The following IL1RAPL1 variants were observed in gnomAD, a reference collection of about 807,000 sequenced individuals.
The protein encoded by IL1RAPL1 is interleukin 1 receptor accessory protein like 1.
IL1RAPL1 carries 3 observed loss-of-function variants against 48.4 expected under a neutral mutation model. That is an observed-to-expected ratio of 0.06 (90% CI 0.03 to 0.16). The LOEUF (loss-of-function observed/expected upper bound fraction) is 0.16. Among genes scored for constraint, IL1RAPL1 ranks in the 10% least tolerant of loss-of-function variants. IL1RAPL1 has a pLI of 1.00. For synonymous variants in IL1RAPL1, 185 were observed against 187.7 expected (o/e 0.99, Z 0.12); for missense variants, 349 against 530.6 (o/e 0.66, Z 3.36).
chrX:28,891,163 A>G (rs892131599), intron 2 of IL1RAPL1, among the ~76,000 whole-genome samples: 2 of 111,890 alleles, frequency 1.8e-5, no homozygotes, highest in Non-Finnish European at 3.8e-5. Flanking sequence ...CAGAACTCTC[A>G]ATGTAGTCTC....
intron 6 of IL1RAPL1, among the ~76,000 whole-genome samples, chrX:29,738,850 TA>T (rs1235632958): frequency 8.9e-6 from 1 of 112,210 alleles, no homozygotes; most frequent in African/African-American, 3.2e-5. Flanking sequence ...TGTGCTGGGA[TA>T]AAAACAAATT....
rs1353175231 is a variant in IL1RAPL1, at chrX:29,520,415, T to C, written c.703+121107T>C. 3.6e-5 allele frequency among the ~76,000 whole-genome samples: 4 copies of C among 112,485 alleles called. No individual in the cohort carries two copies. In the East Asian group the frequency reaches 1.1e-3, roughly 31 times the overall value. On this transcript the variant is annotated intron_variant, in intron 5 of 10. Coordinates refer to ENST00000378993, the MANE Select transcript of IL1RAPL1 (RefSeq NM_014271.4). ...TCGATGCTACATATTTTCTGCCTTC[T>C]ATCTGATTAAAAATTTCCCATTCTG... is the stretch of plus-strand genomic sequence containing the variant.
At chrX:29,802,161 C>T (rs1929924587) in intron 6 of IL1RAPL1, among the ~76,000 whole-genome samples, 2 of 111,793 alleles carry the variant, frequency 1.8e-5, no homozygotes, top group South Asian at 7.4e-4. Flanking sequence ...TCAGTATGTG[C>T]ATCATTGGGG....
chrX:28,623,520 C>G (rs1177375628), intron 1 of IL1RAPL1, among the ~76,000 whole-genome samples: 1 of 111,578 alleles, frequency 9.0e-6, no homozygotes, highest in African/African-American at 3.3e-5. Context: ...AAGGCTAAAA[C>G]CTTCTCAAAC....
chrX:29,010,587 T>C, intron 2 of IL1RAPL1, among the ~76,000 whole-genome samples: 1 of 112,356 alleles, frequency 8.9e-6, no homozygotes, highest in African/African-American at 3.2e-5. Context: ...ACATGATCTC[T>C]AATTTTTGTA....
intron 2 of IL1RAPL1, among the ~76,000 whole-genome samples, chrX:28,906,084 G>A (rs1186272094): frequency 8.9e-6 from 1 of 111,955 alleles, no homozygotes; most frequent in East Asian, 2.8e-4. Flanking sequence ...CCTTCTTCAC[G>A]TGGCGGCAGG....
intron 5 of IL1RAPL1, among the ~76,000 whole-genome samples, chrX:29,540,232 A>C (rs761213705): frequency 9.2e-6 from 1 of 108,824 alleles, no homozygotes; most frequent in Admixed American, 9.8e-5. Context: ...AAGATGAAAG[A>C]TCTCTACAAG....
chrX:29,878,017 A>G (rs140512679), intron 6 of IL1RAPL1, among the ~76,000 whole-genome samples: 3,262 of 112,015 alleles, frequency 0.029, 130 homozygotes, highest in African/African-American at 0.1. Flanking sequence ...GCAAATATTC[A>G]CAAAATAAAC....
At chrX:29,518,008 A>G (rs16988627) in intron 5 of IL1RAPL1, among the ~76,000 whole-genome samples, 4,721 of 111,680 alleles carry the variant, frequency 0.042, 270 homozygotes, top group African/African-American at 0.14. Context: ...TAAACGCTCA[A>G]TATAGGTTAG....
At chrX:29,002,592 T>G (rs1925881472) in intron 2 of IL1RAPL1, among the ~76,000 whole-genome samples, 1 of 111,278 alleles carries the variant, frequency 9.0e-6, no homozygotes. Context: ...ACCATTAGCT[T>G]TTAAAATGTA....
intron 2 of IL1RAPL1, among the ~76,000 whole-genome samples, chrX:29,228,355 G>GTGTA: frequency 1.9e-5 from 2 of 102,967 alleles, no homozygotes; most frequent in African/African-American, 7.2e-5. Context: ...GTGTGTGTGT[G>GTGTA]TGTGTGTGTG....
intron 8 of IL1RAPL1, 37 bp downstream of exon 8, chrX:29,920,131 A>G: frequency 8.3e-7 from 1 of 1,201,032 alleles, no homozygotes. Context: ...GGTCAACTGA[A>G]TGTATGATGG....
chrX:29,741,668 C>T (rs1304152185), intron 6 of IL1RAPL1, among the ~76,000 whole-genome samples: 1 of 109,523 alleles, frequency 9.1e-6, no homozygotes, highest in Non-Finnish European at 1.9e-5. Flanking sequence ...CACCTGTAAT[C>T]CCAGCACTTT....
Position 29,133,296 on chromosome X carries a change from A to G in IL1RAPL1, c.83-149642A>G, listed in dbSNP as rs930555245. Among the ~76,000 whole-genome samples the G allele has an allele frequency of 6.5e-4, 73 of 111,818 alleles. 1 individual carries two copies. The highest frequency in any genetic ancestry group is 2.0e-3 in the African/African-American group (62 of 30,849). On this transcript the variant is annotated intron_variant, in intron 2 of 10. Coordinates refer to ENST00000378993, the MANE Select transcript of IL1RAPL1 (RefSeq NM_014271.4). ...TAAAAGTGACACACCCTCAACTGCA[A>G]TTTCAGTTTCCCTGGGGGAAACAAG...
chrX:28,774,485 A>G (rs748789107), intron 1 of IL1RAPL1, among the ~76,000 whole-genome samples: 4 of 111,391 alleles, frequency 3.6e-5, no homozygotes, highest in East Asian at 2.8e-4. Context: ...GGTTCACTCA[A>G]TAATGGTTTA....
In IL1RAPL1 at chrX:29,668,411, T is replaced by G. The variant is rs1926056385; in HGVS notation, c.704-19T>G. On this transcript the variant is annotated intron_variant, in intron 5 of 10. Transcript: ENST00000378993. ...GCATAACTATAAGTCTCTGTATTAT[T>G]ATTGTTGTTGTTTTTCAGCCCCTCT... The G allele has an allele frequency of 8.6e-7, 1 of 1,167,757 alleles. No individual in the cohort carries two copies. The highest frequency in any genetic ancestry group is 1.2e-6 in the Non-Finnish European group (1 of 855,619).
At chrX:29,087,161 C>T (rs1224357293) in intron 2 of IL1RAPL1, among the ~76,000 whole-genome samples, 10 of 85,980 alleles carry the variant, frequency 1.2e-4, no homozygotes, top group Admixed American at 5.8e-4. Context: ...TTTTTTGAGA[C>T]GGAGCCTTGC....
At chrX:29,575,048 A>G (rs769223457) in intron 5 of IL1RAPL1, among the ~76,000 whole-genome samples, 70 of 111,699 alleles carry the variant, frequency 6.3e-4, no homozygotes, top group Non-Finnish European at 7.7e-4. Flanking sequence ...ACAAGTCTCT[A>G]GAAAGTTCCA....
At chrX:29,037,789 A>T (rs748175640) in intron 2 of IL1RAPL1, among the ~76,000 whole-genome samples, 90 of 111,994 alleles carry the variant, frequency 8.0e-4, no homozygotes, top group African/African-American at 2.8e-3. Flanking sequence ...GTTCTGCCTT[A>T]TTGGGATATA....
Sources: gnomAD v4.1 joint callset for allele counts (sites outside exome capture counted in the v4.1 genomes callset) on GRCh38, gnomAD v4.1.1 for gene constraint, MANE v1.5 for transcripts, NCBI Gene and HGNC (gene_info 2026-07-23, HGNC 2026-07-21) for gene names.